Variants in HAPLN3 observed in about 807,000 individuals in gnomAD.
The protein encoded by HAPLN3 is extracellular link domain containing, 1.
Under a neutral mutation model 28.1 loss-of-function variants are expected in HAPLN3, and 28 were observed. The ratio of observed to expected loss-of-function variants is 1.00; its 90% CI spans 0.74 to 1.37. HAPLN3 has a LOEUF of 1.37. Among genes scored for constraint, HAPLN3 ranks in the 40% most tolerant of loss-of-function variants. HAPLN3 has a pLI of 0.00. For missense variants in HAPLN3, 513 were observed against 504.6 expected (o/e 1.02, Z -0.16); for synonymous variants, 211 against 213.1 (o/e 0.99, Z 0.09).
rs905614957 is a variant in HAPLN3 at position 88,879,666 on chromosome 15, C to T, written c.494-397G>A. The T allele has an allele frequency of 8.4e-6, 10 of 1,195,832 alleles. No individual in the cohort carries two copies. Among genetic ancestry groups the T allele is most frequent in the Non-Finnish European group, 1.1e-5 (10 of 947,302 alleles). 74.1% of individuals were successfully genotyped at this position (1,195,832 alleles called of 1,614,324 possible). ...TCGTTAGCTGGGACCCGATCGTCTA[C>T]GTTATTATGAATGTGGAAATTTCCT... is the stretch of plus-strand genomic sequence containing the variant. On this transcript the variant is annotated intron_variant, in intron 3 of 4. Transcript: ENST00000359595. This position sits in a 1 kb window ranked among gnomAD's most constrained non-coding sequence, Gnocchi z 5.0.
intron 1 of HAPLN3, 92 bp from the exon 2 acceptor site, chr15:88,887,437 A>G: frequency 8.4e-7 from 1 of 1,186,892 alleles, no homozygotes; most frequent in Non-Finnish European, 1.2e-6. Context: ...CGCTTGCTCA[A>G]CAGCTCACTG....
intron 1 of HAPLN3, among the ~76,000 whole-genome samples, chr15:88,893,396 C>A (rs113816368): frequency 1.3e-4 from 20 of 150,760 alleles, no homozygotes; most frequent in African/African-American, 4.6e-4. Flanking sequence ...CCAGACTGGC[C>A]GACAGAGCAA....
intron 2 of HAPLN3, among the ~76,000 whole-genome samples, chr15:88,885,044 A>C (rs1186191621): frequency 6.6e-6 from 1 of 152,222 alleles, no homozygotes; most frequent in Non-Finnish European, 1.5e-5. Context: ...CAAGCCACCA[A>C]GTTTGTGTTA....
Position 88,877,782 on chromosome 15 carries a change from G to A in HAPLN3, c.*188C>T. 1.6e-6 allele frequency: 1 copy of A among 612,212 alleles called. No homozygotes were observed. Among genetic ancestry groups the A allele is most frequent in the East Asian group, 2.9e-5 (1 of 34,592 alleles). 37.9% of individuals were successfully genotyped at this position (612,212 alleles called of 1,614,324 possible). On this transcript the variant is annotated 3_prime_UTR_variant, in exon 5 of 5. Coordinates refer to ENST00000359595, the MANE Select transcript of HAPLN3 (RefSeq NM_178232.4). The surrounding 1 kb of genome is among the most constrained non-coding windows in gnomAD (Gnocchi z 5.1). ...GGGAGCAAGCATGATTCCTGGAGTG[G>A]GGCATCCAGGAGCAAAGGGAGGCAT...
chr15:88,881,586 C>G lies in HAPLN3; in HGVS notation c.264G>C (p.Trp88Cys). The G allele has an allele frequency of 6.2e-7, 1 of 1,614,106 alleles. No individual in the cohort carries two copies. The highest frequency in any genetic ancestry group is 8.5e-7 in the Non-Finnish European group (1 of 1,180,034). ...GGGCCCCGTTCTCCGACAGCTTCCA[C>G]CATTTGACACGCACACGCCGCGGGG... ...LVSPRRVRVKWWKLSENGAPE... is the reference protein window; with the variant it reads ...LVSPRRVRVKCWKLSENGAPE... Residue 88 changes from tryptophan (W) to cysteine (C), a missense_variant, in exon 3 of 5, where the codon TGG becomes TGC. Trp to Cys is a radical substitution (Grantham distance 215). Transcript: ENST00000359595. The surrounding 1 kb of genome is among the most constrained non-coding windows in gnomAD (Gnocchi z 6.0).
At position 88,879,847 on chromosome 15, in the gene HAPLN3, G is replaced by A. The variant is rs1897648759; in HGVS notation, c.494-578C>T. The A allele has an allele frequency of 2.8e-6, 3 of 1,060,152 alleles. No homozygotes were observed. The highest frequency in any genetic ancestry group is 9.9e-5 in the Admixed American group (2 of 20,292). The allele number at this position is 1,060,152 out of a possible 1,614,324, so 65.7% of individuals were successfully genotyped here. A position where few individuals can be genotyped will look rare whatever the true frequency, so the allele number is the denominator to read the frequency against. On this transcript the variant is annotated intron_variant, in intron 3 of 4. Coordinates refer to ENST00000359595, the MANE Select transcript of HAPLN3 (RefSeq NM_178232.4). The surrounding 1 kb of genome is among the most constrained non-coding windows in gnomAD (Gnocchi z 5.0). Reference sequence around the variant, plus strand: ...AGGCGGTTTCTCTCCTTGTGGTCAGGGTCTGATAGAGGCCACAGGCCCTGA... The same window carrying A: ...AGGCGGTTTCTCTCCTTGTGGTCAGAGTCTGATAGAGGCCACAGGCCCTGA...
At chr15:88,885,614 C>T (rs1022571697) in intron 2 of HAPLN3, among the ~76,000 whole-genome samples, 3 of 152,140 alleles carry the variant, frequency 2.0e-5, no homozygotes, top group Non-Finnish European at 4.4e-5. Context: ...CCTGCCACCA[C>T]GCCCGGCTAC....
chr15:88,887,369 C>T (rs1567204953), intron 1 of HAPLN3, 24 bp from the exon 2 acceptor site: 2 of 1,585,684 alleles, frequency 1.3e-6, no homozygotes, highest in Non-Finnish European at 1.7e-6. Flanking sequence ...GAAAACAAGG[C>T]AATTAGAAAA....
At chr15:88,894,980 A>C (rs1898118901) in intron 1 of HAPLN3, among the ~76,000 whole-genome samples, 1 of 152,182 alleles carries the variant, frequency 6.6e-6, no homozygotes, top group Non-Finnish European at 1.5e-5. Flanking sequence ...CCAGAGGCGC[A>C]GGTCCGCCAG....
chr15:88,878,762 AT>A (rs1897606262), intron 4 of HAPLN3, among the ~76,000 whole-genome samples: 1 of 152,254 alleles, frequency 6.6e-6, no homozygotes, highest in African/African-American at 2.4e-5. Context: ...GAAGAAACCA[AT>A]GATTTATGCC....
Position 88,887,175 on chromosome 15 carries a change from C to T in HAPLN3, c.124G>A (p.Asp42Asn), listed in dbSNP as rs1567204608. Reference protein sequence around the residue: ...DQNLGNGHGKDLLNGVKLVVE... With the variant: ...DQNLGNGHGKNLLNGVKLVVE... ...GAGCCGGGTGCAGGAGGTCGCCTAC[C>T]TTTGCCATGACCGTTGCCTAGGTTC... Residue 42 changes from aspartate (D) to asparagine (N), a missense_variant and splice_region_variant, in exon 2 of 5, where the codon GAC becomes AAC. By Grantham distance (23) the Asp-to-Asn change is conservative (BLOSUM62 1). Transcript: ENST00000359595. The T allele has an allele frequency of 6.2e-7, 1 of 1,614,142 alleles. No individual in the cohort carries two copies. The highest frequency in any genetic ancestry group is 8.5e-7 in the Non-Finnish European group (1 of 1,180,018).
Position 88,888,095 on chromosome 15 carries a change from T to C in HAPLN3, c.-47-750A>G, listed in dbSNP as rs1897914683. 6.6e-6 allele frequency among the ~76,000 whole-genome samples: 1 copy of C among 150,654 alleles called. No homozygotes were observed. Among genetic ancestry groups the C allele is most frequent in the African/African-American group, 2.5e-5 (1 of 40,308 alleles). On this transcript the variant is annotated intron_variant, in intron 1 of 4. Coordinates refer to ENST00000359595, the MANE Select transcript of HAPLN3 (RefSeq NM_178232.4). The surrounding 1 kb of genome is among the most constrained non-coding windows in gnomAD (Gnocchi z 4.1). ...ATGTTAAGTAAAGATGAGTCCTGCA[T>C]TGTGAACCCTTTTTTTTTTTTTTTG... is the stretch of plus-strand genomic sequence containing the variant.
chr15:88,886,032 C>T (rs959733088), intron 2 of HAPLN3, among the ~76,000 whole-genome samples: 3 of 152,212 alleles, frequency 2.0e-5, no homozygotes, highest in Non-Finnish European at 4.4e-5. Context: ...CTGGTCAGCA[C>T]CCGTGCTGCA....
At chr15:88,889,191 A>AT (rs1182338604) in intron 1 of HAPLN3, among the ~76,000 whole-genome samples, 1 of 152,120 alleles carries the variant, frequency 6.6e-6, no homozygotes, top group African/African-American at 2.4e-5. Context: ...TCTAGAAGTC[A>AT]TTCCTCCATT....
intron 2 of HAPLN3, among the ~76,000 whole-genome samples, chr15:88,886,891 G>A (rs1277548390): frequency 6.6e-6 from 1 of 152,188 alleles, no homozygotes; most frequent in Non-Finnish European, 1.5e-5. Context: ...CCACTGGGGG[G>A]ACCAGGGGAG....
chr15:88,884,813 A>G (rs1057112627), intron 2 of HAPLN3, among the ~76,000 whole-genome samples: 24 of 152,042 alleles, frequency 1.6e-4, no homozygotes, highest in African/African-American at 5.8e-4. Context: ...TTGCATATAA[A>G]AGAGGAGAAG....
At position 88,881,827 on chromosome 15, in the gene HAPLN3, T is replaced by C. The variant is rs933581449; in HGVS notation, c.125-102A>G. 3 of 1,337,834 alleles carry C rather than the reference T, an allele frequency of 2.2e-6. No individual in the cohort carries two copies. Among genetic ancestry groups the C allele is most frequent in the Non-Finnish European group, 3.0e-6 (3 of 986,862 alleles). 82.9% of individuals were successfully genotyped at this position (1,337,834 alleles called of 1,614,324 possible). Reference sequence around the variant, plus strand: ...ATCCACGGCTCCTACAGGCTCAGATTGCAAAAATGGCCACCATGCTCCACC... The same window carrying C: ...ATCCACGGCTCCTACAGGCTCAGATCGCAAAAATGGCCACCATGCTCCACC... On this transcript the variant is annotated intron_variant, in intron 2 of 4. Transcript: ENST00000359595. The surrounding 1 kb of genome is among the most constrained non-coding windows in gnomAD (Gnocchi z 6.0).
At chr15:88,885,818 C>G (rs1254898593) in intron 2 of HAPLN3, among the ~76,000 whole-genome samples, 1 of 151,978 alleles carries the variant, frequency 6.6e-6, no homozygotes, top group African/African-American at 2.4e-5. Context: ...AACTCCTGAC[C>G]TCAAGTGATC....
chr15:88,884,829 G>T (rs1324875072), intron 2 of HAPLN3, among the ~76,000 whole-genome samples: 3 of 151,878 alleles, frequency 2.0e-5, no homozygotes, highest in Admixed American at 1.3e-4. Flanking sequence ...AGAAGACCAC[G>T]TGACCAAGGA....
Sources: allele counts gnomAD v4.1 joint callset (sites outside exome capture counted in the v4.1 genomes callset), GRCh38; gene constraint gnomAD v4.1.1; non-coding constraint Gnocchi (gnomAD v3.1); transcripts MANE v1.5; gene names NCBI Gene and HGNC (gene_info 2026-07-23, HGNC 2026-07-21).